Variants in SLC15A4 observed in about 807,000 individuals in gnomAD.
The protein encoded by SLC15A4 is hPHT1.
Under a neutral mutation model 46.1 loss-of-function variants are expected in SLC15A4, and 26 were observed. That is an observed-to-expected ratio of 0.56 (90% CI 0.41 to 0.78). The LOEUF is 0.78. SLC15A4 is among the 30% of genes least tolerant of loss of function. The pLI, the probability that SLC15A4 is intolerant of heterozygous loss-of-function variation, is 0.00. For missense variants in SLC15A4, 751 were observed against 755.7 expected (o/e 0.99, Z 0.07); for synonymous variants, 370 against 333.4 (o/e 1.11, Z -1.20).
At chr12:128,804,705 G>T (rs1203714094) in intron 5 of SLC15A4, among the ~76,000 whole-genome samples, 2 of 152,208 alleles carry the variant, frequency 1.3e-5, no homozygotes, top group Non-Finnish European at 2.9e-5. Context: ...ACTCCAGCCT[G>T]GGTGATGGGA....
At chr12:128,818,159 A>G (rs1955785043) in intron 1 of SLC15A4, among the ~76,000 whole-genome samples, 1 of 152,036 alleles carries the variant, frequency 6.6e-6, no homozygotes, top group Non-Finnish European at 1.5e-5. Context: ...CAAATAATCC[A>G]TCCACCAAGA....
chr12:128,808,725 A>G, intron 5 of SLC15A4, 63 bp downstream of exon 5: 2 of 1,559,424 alleles, frequency 1.3e-6, no homozygotes, highest in Non-Finnish European at 1.7e-6. Flanking sequence ...TGTGAGCACT[A>G]TATTCTGAAT....
Position 128,814,640 on chromosome 12 carries a change from A to G in SLC15A4, c.842+135T>C, listed in dbSNP as rs532674561. 3.3e-5 allele frequency: 29 copies of G among 881,894 alleles called. No individual in the cohort carries two copies. In the South Asian group the frequency reaches 4.5e-4, roughly 14 times the overall value. The allele number at this position is 881,894 out of a possible 1,614,324, so 54.6% of individuals were successfully genotyped here. ...CGCCTCCTTGGGGAAATGCAGTGTTAAAGGAGAGAAGACATGTAAACCACT... is the reference window on the plus strand; with the variant it reads ...CGCCTCCTTGGGGAAATGCAGTGTTGAAGGAGAGAAGACATGTAAACCACT... On this transcript the variant is annotated intron_variant, in intron 2 of 7. Coordinates refer to ENST00000266771, the MANE Select transcript of SLC15A4 (RefSeq NM_145648.4).
chr12:128,799,966 CG>C (rs1955496203), intron 6 of SLC15A4, among the ~76,000 whole-genome samples: 1 of 152,050 alleles, frequency 6.6e-6, no homozygotes. Flanking sequence ...CTCAGCCTCC[CG>C]AGTAGCTGGG....
intron 2 of SLC15A4, among the ~76,000 whole-genome samples, chr12:128,811,772 C>T (rs1955659552): frequency 6.6e-6 from 1 of 152,196 alleles, no homozygotes; most frequent in Non-Finnish European, 1.5e-5. Context: ...CATTTTCACA[C>T]AAAGAATCAT....
At chr12:128,814,156 T>G (rs1185738807) in intron 2 of SLC15A4, 1 of 160,688 alleles carries the variant, frequency 6.2e-6, no homozygotes, top group Non-Finnish European at 1.4e-5. Flanking sequence ...GCCATTCTGC[T>G]ACTGCACCTT....
At position 128,800,508 on chromosome 12, in the gene SLC15A4, G is replaced by A. The variant is rs576696832; in HGVS notation, c.1414+346C>T. The stretch of plus-strand genomic sequence containing the variant: ...TTCTTTACGTACATCTAAACGAAGC[G>A]CACTGAGAGCTGTGAGCTCAGCCCA... On this transcript the variant is annotated intron_variant, in intron 6 of 7. Transcript: ENST00000266771. Among the ~76,000 whole-genome samples the A allele has an allele frequency of 5.9e-5, 9 of 152,346 alleles. No homozygotes were observed. In the South Asian group the frequency reaches 1.5e-3, roughly 25 times the overall value.
At position 128,808,945 on chromosome 12, in the gene SLC15A4, G is replaced by A. The variant is rs758308948; in HGVS notation, c.1101C>T (p.Ala367=). Reference sequence around the variant, plus strand: ...GCACAGCATCAAACATGGTCAGCCAGGCTGCAGGGAGCTGGGGTGAAACAC... The same window carrying A: ...GCACAGCATCAAACATGGTCAGCCAAGCTGCAGGGAGCTGGGGTGAAACAC... ...ITTTPHTLPA[A]WLTMFDAVLI... is the part of the protein sequence containing the mutation. Residue 367 remains alanine, a synonymous_variant, in exon 5 of 8, where the codon GCC becomes GCT. Coordinates refer to ENST00000266771, the MANE Select transcript of SLC15A4 (RefSeq NM_145648.4). 1 of 1,613,810 alleles carries A rather than the reference G, an allele frequency of 6.2e-7. No homozygotes were observed. The highest frequency in any genetic ancestry group is 1.1e-5 in the South Asian group (1 of 91,038).
intron 1 of SLC15A4, among the ~76,000 whole-genome samples, chr12:128,820,105 C>A (rs991400180): frequency 6.6e-5 from 10 of 152,110 alleles, no homozygotes; most frequent in Non-Finnish European, 1.0e-4. Flanking sequence ...GTGGGGTGGC[C>A]AAGTCTTTAA....
intron 7 of SLC15A4, among the ~76,000 whole-genome samples, chr12:128,796,429 C>CAAAAAAAAAAAAAA (rs57014966): frequency 2.9e-4 from 10 of 33,924 alleles, no homozygotes; most frequent in South Asian, 2.1e-3. Context: ...AACTCCATCT[C>CAAAAAAAAAAAAAA]AAAAAAAAAA....
rs1315717988 is a variant in SLC15A4 at position 128,806,812 on chromosome 12, A to AAC, written c.1258+1974_1258+1975dup. Among the ~76,000 whole-genome samples, 9 of 152,066 alleles carry AAC rather than the reference A, an allele frequency of 5.9e-5. No individual in the cohort carries two copies. The East Asian group carries it at 1.5e-3, about 26-fold the overall frequency. On this transcript the variant is annotated intron_variant, in intron 5 of 7. Coordinates refer to ENST00000266771, the MANE Select transcript of SLC15A4 (RefSeq NM_145648.4). ...GAGCGCATGCCTCCCCATAGGCGCC[A>AAC]ACACTCAGTAAGAAGGCAAGCACTG...
chr12:128,807,233 G>C (rs541353041), intron 5 of SLC15A4, among the ~76,000 whole-genome samples: 1 of 152,270 alleles, frequency 6.6e-6, no homozygotes, highest in Non-Finnish European at 1.5e-5. Flanking sequence ...AACTGACGGA[G>C]TGCAATGGGG....
intron 1 of SLC15A4, among the ~76,000 whole-genome samples, chr12:128,819,359 T>C (rs1376227366): frequency 6.6e-6 from 1 of 152,068 alleles, no homozygotes; most frequent in African/African-American, 2.4e-5. Context: ...GCTGAGATCA[T>C]ACCGCTGCAC....
Position 128,810,122 on chromosome 12 carries a change from T to C in SLC15A4, c.843-11A>G, listed in dbSNP as rs199603069. The C allele has an allele frequency of 3.7e-5, 60 of 1,608,250 alleles. No homozygotes were observed. Among genetic ancestry groups the C allele is most frequent in the Non-Finnish European group, 3.8e-5 (45 of 1,177,678 alleles). ...ACTCCAATGCCTTCACTTTGGGAAA[T>C]AAAATGAAGGAATTAGTTTTCTTCC... On this transcript the variant is annotated splice_polypyrimidine_tract_variant and intron_variant, in intron 2 of 7. Coordinates refer to ENST00000266771, the MANE Select transcript of SLC15A4 (RefSeq NM_145648.4).
rs543915388 is a variant in SLC15A4, at chr12:128,800,799, C to G, written c.1414+55G>C. 240 of 1,535,748 alleles carry G rather than the reference C, an allele frequency of 1.6e-4. No homozygotes were observed. The African/African-American group carries it at 3.0e-3, about 19-fold the overall frequency. ...ATTCCAACAGCACAGTCAGAATGCC[C>G]GAGCGCTCACGCTTGTGCCTGGACT... is the stretch of plus-strand genomic sequence containing the variant. On this transcript the variant is annotated intron_variant, in intron 6 of 7. Coordinates refer to ENST00000266771, the MANE Select transcript of SLC15A4 (RefSeq NM_145648.4).
intron 1 of SLC15A4, among the ~76,000 whole-genome samples, chr12:128,820,226 A>T (rs997005641): frequency 2.0e-5 from 3 of 152,188 alleles, no homozygotes; most frequent in African/African-American, 7.2e-5. Context: ...TACGGAACGC[A>T]CGCACACTGG....
rs367641475 is a variant in SLC15A4, at chr12:128,800,872, T to G, written c.1396A>C (p.Ile466Leu). ...PQYLLIGISE[I>L]FASIAGLEFA... is the part of the protein sequence containing the mutation. Reference sequence around the variant, plus strand: ...TCCTCACCTGCGATACTTGCAAAGATCTCGCTGATCCCAATCAGCAAGTAC... The same window carrying G: ...TCCTCACCTGCGATACTTGCAAAGAGCTCGCTGATCCCAATCAGCAAGTAC... Residue 466 changes from isoleucine to leucine, a missense_variant, in exon 6 of 8, where the codon ATC (isoleucine) becomes CTC (leucine). Ile to Leu is a conservative substitution (Grantham distance 5). Coordinates refer to ENST00000266771, the MANE Select transcript of SLC15A4 (RefSeq NM_145648.4). 1.4e-5 allele frequency: 23 copies of G among 1,612,646 alleles called. No individual in the cohort carries two copies. The highest frequency in any genetic ancestry group is 1.9e-5 in the Non-Finnish European group (22 of 1,179,560).
At chr12:128,798,543 G>A (rs1469769865) in intron 7 of SLC15A4, among the ~76,000 whole-genome samples, 1 of 152,206 alleles carries the variant, frequency 6.6e-6, no homozygotes, top group Non-Finnish European at 1.5e-5. Flanking sequence ...AAGTGGCTAA[G>A]TACTACCGGA....
At chr12:128,822,375 G>C (rs1955857060) in intron 1 of SLC15A4, among the ~76,000 whole-genome samples, 1 of 152,128 alleles carries the variant, frequency 6.6e-6, no homozygotes, top group Non-Finnish European at 1.5e-5. Flanking sequence ...TCTTTGTAAA[G>C]GAAGCTAAGG....
Sources: gnomAD v4.1 joint callset for allele counts (sites outside exome capture counted in the v4.1 genomes callset) on GRCh38, gnomAD v4.1.1 for gene constraint, MANE v1.5 for transcripts, NCBI Gene and HGNC (gene_info 2026-07-23, HGNC 2026-07-21) for gene names.